PARD3B: variants seen among roughly 807,000 people sequenced by gnomAD.
PARD3B encodes partitioning defective 3 homolog B.
Under a neutral mutation model 130.2 loss-of-function variants are expected in PARD3B, and 103 were observed. The ratio of observed to expected loss-of-function variants is 0.79; its 90% CI spans 0.67 to 0.93. PARD3B has a LOEUF of 0.93. PARD3B is among the 40% of genes least tolerant of loss of function. PARD3B has a pLI of 0.00. For missense variants in PARD3B, 1,609 were observed against 1,499.2 expected (o/e 1.07, Z -1.21); for synonymous variants, 583 against 553.2 (o/e 1.05, Z -0.76).
chr2:204,681,282 G>A (rs879930620), intron 1 of PARD3B, among the ~76,000 whole-genome samples: 55 of 152,050 alleles, frequency 3.6e-4, no homozygotes, highest in Admixed American at 7.2e-4. Flanking sequence ...TTTAGATCTG[G>A]AAGTAAATAT....
intron 20 of PARD3B, among the ~76,000 whole-genome samples, chr2:205,490,575 T>C (rs780413179): frequency 4.6e-5 from 7 of 152,184 alleles, no homozygotes; most frequent in African/African-American, 4.8e-5. Context: ...TAAACATACG[T>C]GTGCATGTGT....
intron 2 of PARD3B, among the ~76,000 whole-genome samples, chr2:204,886,152 T>A (rs12620769): frequency 0.068 from 10,389 of 152,266 alleles, 782 homozygotes; most frequent in African/African-American, 0.18. Flanking sequence ...GAGTCAACTA[T>A]CAAAGAAGAA....
intron 3 of PARD3B, among the ~76,000 whole-genome samples, chr2:205,036,725 G>A (rs959251996): frequency 6.7e-5 from 9 of 134,578 alleles, no homozygotes; most frequent in East Asian, 2.2e-4. Flanking sequence ...TATACACAGC[G>A]GACTGTATGT....
intron 2 of PARD3B, among the ~76,000 whole-genome samples, chr2:204,855,144 C>A (rs2044871822): frequency 6.6e-6 from 1 of 152,144 alleles, no homozygotes; most frequent in African/African-American, 2.4e-5. Context: ...AACTACTAGG[C>A]TCAAGCAGTT....
intron 20 of PARD3B, among the ~76,000 whole-genome samples, chr2:205,484,143 A>G (rs1294629038): frequency 6.6e-6 from 1 of 152,200 alleles, no homozygotes; most frequent in Non-Finnish European, 1.5e-5. Flanking sequence ...AGCTCCTTTT[A>G]TTAGTTGGAT....
At position 205,496,706 on chromosome 2, in the gene PARD3B, C is replaced by A. The variant is rs532968465; in HGVS notation, c.3045-3190C>A. On this transcript the variant is annotated intron_variant, in intron 20 of 22. Transcript: ENST00000406610. ...TCAAACCCATATTTTTAAATTTATGCATTTATAGGCATATGGAAGAATAGT... is the reference window on the plus strand; with the variant it reads ...TCAAACCCATATTTTTAAATTTATGAATTTATAGGCATATGGAAGAATAGT... Among the ~76,000 whole-genome samples, 5 of 152,054 alleles carry A rather than the reference C, an allele frequency of 3.3e-5. No individual in the cohort carries two copies. The East Asian group carries it at 9.7e-4, about 29-fold the overall frequency.
At chr2:205,111,975 T>G (rs1487237869) in intron 5 of PARD3B, among the ~76,000 whole-genome samples, 1 of 152,116 alleles carries the variant, frequency 6.6e-6, no homozygotes, top group East Asian at 1.9e-4. Flanking sequence ...CCATACAACT[T>G]TCTCTGTCAA....
At chr2:205,237,566 T>A (rs933646344) in intron 15 of PARD3B, among the ~76,000 whole-genome samples, 2 of 152,208 alleles carry the variant, frequency 1.3e-5, no homozygotes, top group Non-Finnish European at 2.9e-5. Context: ...ATTTGCAGGT[T>A]GAAAGAAGAG....
At chr2:204,770,636 T>G (rs2041328671) in intron 2 of PARD3B, among the ~76,000 whole-genome samples, 1 of 152,038 alleles carries the variant, frequency 6.6e-6, no homozygotes. Flanking sequence ...TTGGCAGATC[T>G]GCGATGCATG....
At position 205,300,711 on chromosome 2, in the gene PARD3B, C is replaced by T. The variant is rs376027289; in HGVS notation, c.2367C>T (p.Tyr789=). The T allele has an allele frequency of 7.2e-5, 116 of 1,612,340 alleles. No individual in the cohort carries two copies. Among genetic ancestry groups the T allele is most frequent in the Non-Finnish European group, 9.4e-5 (111 of 1,178,754 alleles). Residue 789 remains tyrosine (Y), a synonymous_variant, in exon 17 of 23, where the codon TAC becomes TAT. Coordinates refer to ENST00000406610, the MANE Select transcript of PARD3B (RefSeq NM_001302769.2). This position sits in a 1 kb window ranked among gnomAD's most constrained non-coding sequence, Gnocchi z 4.1. ...ESFRAAIDKS[Y]DGPEEIEADG... The stretch of plus-strand genomic sequence containing the variant: ...TTAGAGCAGCCATTGACAAATCCTA[C>T]GATGGACCTGAAGAAATAGAAGCTG...
intron 15 of PARD3B, among the ~76,000 whole-genome samples, chr2:205,240,156 G>T (rs1434988773): frequency 6.6e-6 from 1 of 152,158 alleles, no homozygotes; most frequent in Non-Finnish European, 1.5e-5. Flanking sequence ...AAACAGGTTT[G>T]CATTCCTTAG....
rs79785534 is a variant in PARD3B, at chr2:205,014,045, G to C, written c.395-33536G>C. Among the ~76,000 whole-genome samples, 639 of 152,276 alleles carry C rather than the reference G, an allele frequency of 4.2e-3. 3 individuals carry two copies. Among genetic ancestry groups the C allele is most frequent in the Non-Finnish European group, 6.8e-3 (461 of 68,030 alleles). ...CCAGCTCTGCTACCAGAATTGCCTT[G>C]CTAACCAGCTTTACTCCTGGAATTT... On this transcript the variant is annotated intron_variant, in intron 3 of 22. Coordinates refer to ENST00000406610, the MANE Select transcript of PARD3B (RefSeq NM_001302769.2).
intron 1 of PARD3B, among the ~76,000 whole-genome samples, chr2:204,580,600 C>T (rs952631124): frequency 6.6e-6 from 1 of 152,200 alleles, no homozygotes; most frequent in Non-Finnish European, 1.5e-5. Context: ...GGCGAGGGAG[C>T]ATTTTCTTAG....
At position 205,280,234 on chromosome 2, in the gene PARD3B, A is replaced by G. The variant is rs1377600672; in HGVS notation, c.2186-20296A>G. Among the ~76,000 whole-genome samples the G allele has an allele frequency of 6.6e-6, 1 of 152,196 alleles. No individual in the cohort carries two copies. Among genetic ancestry groups the G allele is most frequent in the African/African-American group, 2.4e-5 (1 of 41,452 alleles). Reference sequence around the variant, plus strand: ...CCCGTGCATGAACTTTGGAACAGAAAAATAACATTAACAGGTTATTAAACT... The same window carrying G: ...CCCGTGCATGAACTTTGGAACAGAAGAATAACATTAACAGGTTATTAAACT... On this transcript the variant is annotated intron_variant, in intron 16 of 22. Coordinates refer to ENST00000406610, the MANE Select transcript of PARD3B (RefSeq NM_001302769.2). This position sits in a 1 kb window ranked among gnomAD's most constrained non-coding sequence, Gnocchi z 4.7.
rs563823332 is a variant in PARD3B at position 204,902,719 on chromosome 2, T to TTATC, written c.223-62431_223-62428dup. ...AATGAGTTTCTGTTTGTTCCTAGAG[T>TTATC]TATCTCCTAAGCATTTCTTTAAAGG... On this transcript the variant is annotated intron_variant, in intron 2 of 22. Transcript: ENST00000406610. Among the ~76,000 whole-genome samples the TTATC allele has an allele frequency of 1.3e-3, 194 of 151,310 alleles. 2 individuals carry two copies. Among genetic ancestry groups the TTATC allele is most frequent in the African/African-American group, 4.5e-3 (186 of 41,192 alleles).
intron 8 of PARD3B, 91 bp from the exon 9 acceptor site, chr2:205,124,236 T>C: frequency 9.9e-7 from 1 of 1,006,126 alleles, no homozygotes; most frequent in Non-Finnish European, 1.4e-6. Flanking sequence ...GATTCTATAT[T>C]AGTCTAAATT....
At position 205,573,372 on chromosome 2, in the gene PARD3B, T is replaced by C. The variant is rs183900872; in HGVS notation, c.3260+19969T>C. Among the ~76,000 whole-genome samples, 231 of 152,006 alleles carry C rather than the reference T, an allele frequency of 1.5e-3. 2 individuals carry two copies. Among genetic ancestry groups the C allele is most frequent in the Non-Finnish European group, 4.6e-4 (31 of 67,962 alleles). On this transcript the variant is annotated intron_variant, in intron 22 of 22. Coordinates refer to ENST00000406610, the MANE Select transcript of PARD3B (RefSeq NM_001302769.2). ...GCTGGAACAACTGGGTGGCTGGAGG[T>C]GCCATTCTCCTCATAGATGAGGAAG...
chr2:204,909,659 T>G (rs2047163102), intron 2 of PARD3B, among the ~76,000 whole-genome samples: 1 of 152,138 alleles, frequency 6.6e-6, no homozygotes, highest in African/African-American at 2.4e-5. Flanking sequence ...CCAGTAAGCT[T>G]ATATAATCAG....
At chr2:205,144,967 G>C (rs1365448358) in intron 10 of PARD3B, among the ~76,000 whole-genome samples, 1 of 152,154 alleles carries the variant, frequency 6.6e-6, no homozygotes, top group East Asian at 1.9e-4. Context: ...CGAGGCTGTG[G>C]TAGTATTGTT....
Sources: gnomAD v4.1 joint callset for allele counts (sites outside exome capture counted in the v4.1 genomes callset) on GRCh38, gnomAD v4.1.1 for gene constraint, Gnocchi (gnomAD v3.1) non-coding constraint, MANE v1.5 for transcripts, NCBI Gene and HGNC (gene_info 2026-07-23, HGNC 2026-07-21) for gene names.